Variants in TRPA1 observed in about 807,000 individuals in gnomAD.
TRPA1 encodes ankyrin-like with transmembrane domains 1.
In TRPA1, 129 loss-of-function variants were observed where a neutral mutation model predicts 131.3. The ratio of observed to expected loss-of-function variants is 0.98; its 90% CI spans 0.85 to 1.14. The LOEUF (loss-of-function observed/expected upper bound fraction) is 1.14. TRPA1 is among the 50% of genes most tolerant of loss of function. The probability of loss-of-function intolerance (pLI) is 0.00; values close to 1 mark genes in which losing one functional copy is unlikely to be tolerated. For missense variants in TRPA1, 1,304 were observed against 1,354.2 expected, an observed-to-expected ratio of 0.96 and a Z score of 0.58; for synonymous variants, 441 against 451.7, an observed-to-expected ratio of 0.98 and a Z score of 0.30.
At chr8:72,044,635 A>G (rs1054020318) in intron 17 of TRPA1, among the ~76,000 whole-genome samples, 1 of 151,990 alleles carries the variant, frequency 6.6e-6, no homozygotes, top group African/African-American at 2.4e-5. Context: ...ATGCACCATT[A>G]ATGAAAATAG....
At position 72,029,975 on chromosome 8, in the gene TRPA1, G is replaced by T. The variant is rs3824151; in HGVS notation, c.2869-6C>A. On this transcript the variant is annotated splice_polypyrimidine_tract_variant and splice_region_variant and intron_variant, in intron 23 of 26. Coordinates refer to ENST00000262209, the MANE Select transcript of TRPA1 (RefSeq NM_007332.3). ...TCGCCAACTGCCAAACCAATCTGAAGTATGACACAAAATTAAATCACTACA... is the reference window on the plus strand; with the variant it reads ...TCGCCAACTGCCAAACCAATCTGAATTATGACACAAAATTAAATCACTACA... 978,432 of 1,610,630 alleles carry T rather than the reference G, an allele frequency of 0.61. 299,729 individuals are homozygous for T. Among genetic ancestry groups the T allele is most frequent in the Admixed American group, 0.78 (46,971 of 59,976 alleles).
intron 21 of TRPA1, among the ~76,000 whole-genome samples, chr8:72,035,004 G>A (rs760723991): frequency 4.6e-5 from 7 of 152,182 alleles, no homozygotes; most frequent in Non-Finnish European, 7.3e-5. Context: ...CAGAGACTGA[G>A]TTTGTGAACT....
intron 15 of TRPA1, 122 bp downstream of exon 15, chr8:72,050,656 C>T (rs1563394064): frequency 2.8e-6 from 2 of 714,032 alleles, no homozygotes; most frequent in African/African-American, 1.8e-5. Flanking sequence ...GTCTCATTTC[C>T]CTTACAGCCT....
chr8:72,024,719 T>C (rs1277583913), intron 25 of TRPA1, among the ~76,000 whole-genome samples: 2 of 152,100 alleles, frequency 1.3e-5, no homozygotes, highest in Non-Finnish European at 2.9e-5. Flanking sequence ...AGTGGAGATG[T>C]CAAGTAGGCA....
Position 72,055,554 on chromosome 8 carries a change from C to T in TRPA1, c.1411G>A (p.Asp471Asn). 12 of 1,613,646 alleles carry T rather than the reference C, an allele frequency of 7.4e-6. No homozygotes were observed. Among genetic ancestry groups the T allele is most frequent in the Non-Finnish European group, 1.0e-5 (12 of 1,179,684 alleles). Reference protein sequence around the residue: ...TCQRLLQDISDTRLLNEGDLH... With the variant: ...TCQRLLQDISNTRLLNEGDLH... Reference sequence around the variant, plus strand: ...TCACCTTCATTCAGAAGCCTCGTATCACTTATGTCTTGTAGGAGCCTCTGA... The same window carrying T: ...TCACCTTCATTCAGAAGCCTCGTATTACTTATGTCTTGTAGGAGCCTCTGA... Residue 471 changes from aspartate to asparagine, a missense_variant, in exon 12 of 27, where the codon GAT becomes AAT. Transcript: ENST00000262209.
rs190001360 is a variant in TRPA1 at position 72,062,798 on chromosome 8, C to A, written c.807+1G>T. 6.2e-7 allele frequency: 1 copy of A among 1,613,766 alleles called. No homozygotes were observed. Among genetic ancestry groups the A allele is most frequent in the Admixed American group, 1.7e-5 (1 of 59,988 alleles). On this transcript the variant is annotated splice_donor_variant, in intron 6 of 26. Coordinates refer to ENST00000262209, the MANE Select transcript of TRPA1 (RefSeq NM_007332.3). LOFTEE classifies it high-confidence loss of function. Reference sequence around the variant, plus strand: ...GTGTTATATAGAATATGAAGAGTTACCTCCACTGGGTCTATTTGTGCACCA... The same window carrying A: ...GTGTTATATAGAATATGAAGAGTTAACTCCACTGGGTCTATTTGTGCACCA...
intron 2 of TRPA1, 42 bp downstream of exon 2, chr8:72,071,669 G>A (rs1338131872): frequency 6.2e-7 from 1 of 1,600,532 alleles, no homozygotes; most frequent in Admixed American, 1.7e-5. Context: ...TAATTGAATG[G>A]GATGAATGAT....
chr8:72,052,994 T>TGTGTGTGTGTGTGTGTGTGTGTGG (rs1491537785), intron 13 of TRPA1: 1 of 330,302 alleles, frequency 3.0e-6, no homozygotes, highest in Non-Finnish European at 5.5e-6. Flanking sequence ...TGTGTGTGTG[T>TGTGTGTGTGTGTGTGTGTGTGTGG]GAGAGATAGA....
chr8:72,049,726 A>G (rs1464209842), intron 15 of TRPA1, among the ~76,000 whole-genome samples: 1 of 152,196 alleles, frequency 6.6e-6, no homozygotes, highest in Non-Finnish European at 1.5e-5. Context: ...AGTAATGTAA[A>G]TGAAAGAACC....
rs748925257 is a variant in TRPA1, at chr8:72,026,078, A to T, written c.2938-5T>A. ...TAAGCTGGTATGAAGTTCCACCTAAAGTGCATTTTGGATTTATTGATAGAA... is the reference window on the plus strand; with the variant it reads ...TAAGCTGGTATGAAGTTCCACCTAATGTGCATTTTGGATTTATTGATAGAA... On this transcript the variant is annotated splice_region_variant and splice_polypyrimidine_tract_variant and intron_variant, in intron 24 of 26. Transcript: ENST00000262209. 2 of 1,611,876 alleles carry T rather than the reference A, an allele frequency of 1.2e-6. No homozygotes were observed. The highest frequency in any genetic ancestry group is 1.7e-6 in the Non-Finnish European group (2 of 1,178,108).
At chr8:72,039,301 CTCTT>C (rs1812165189) in intron 18 of TRPA1, among the ~76,000 whole-genome samples, 1 of 151,980 alleles carries the variant, frequency 6.6e-6, no homozygotes, top group South Asian at 2.1e-4. Flanking sequence ...TAGAACACAC[CTCTT>C]TCTTCATTGT....
At chr8:72,074,672 A>C (rs559817659) in intron 1 of TRPA1, among the ~76,000 whole-genome samples, 1 of 152,292 alleles carries the variant, frequency 6.6e-6, no homozygotes, top group South Asian at 2.1e-4. Context: ...CGATAACTGC[A>C]TAAGTAATAG....
intron 1 of TRPA1, 60 bp from the exon 2 acceptor site, chr8:72,071,927 C>A: frequency 2.1e-6 from 3 of 1,439,332 alleles, no homozygotes; most frequent in Non-Finnish European, 2.9e-6. Flanking sequence ...TGGCTATAAT[C>A]ATTTTATAGC....
chr8:72,073,706 C>T (rs923932482), intron 1 of TRPA1, among the ~76,000 whole-genome samples: 4 of 152,294 alleles, frequency 2.6e-5, no homozygotes, highest in South Asian at 2.1e-4. Flanking sequence ...TTTTGAGACT[C>T]GCTGCTAAGA....
At chr8:72,062,981 T>G in intron 5 of TRPA1, 37 bp from the exon 6 acceptor site, 1 of 1,570,690 alleles carries the variant, frequency 6.4e-7, no homozygotes, top group Non-Finnish European at 8.7e-7. Context: ...AACAAATATA[T>G]AAAATAAATA....
intron 17 of TRPA1, chr8:72,041,196 T>C (rs1330864282): frequency 2.0e-5 from 3 of 152,070 alleles, no homozygotes; most frequent in African/African-American, 4.8e-5. Context: ...CACCTCACAT[T>C]AGAGCTCCCA....
chr8:72,062,972 A>G, intron 5 of TRPA1, 28 bp from the exon 6 acceptor site: 1 of 1,594,810 alleles, frequency 6.3e-7, no homozygotes, highest in Non-Finnish European at 8.6e-7. Flanking sequence ...ATTCAACATA[A>G]CAAATATATA....
upstream of TRPA1, chr8:72,075,687 C>G (rs1317611070): frequency 2.0e-6 from 1 of 488,562 alleles, no homozygotes; most frequent in African/African-American, 2.0e-5. Context: ...GCGGCGGCGC[C>G]GCGTCTGCCT....
At position 72,054,158 on chromosome 8, in the gene TRPA1, T is replaced by C. The variant is rs771369308; in HGVS notation, c.1530-291A>G. ...TGGGGTAGGAGAAGTACGCTTAGCA[T>C]GTCTGTGTCATACCTAATTTTTTTA... is the stretch of plus-strand genomic sequence containing the variant. On this transcript the variant is annotated intron_variant, in intron 12 of 26. Transcript: ENST00000262209. The C allele has an allele frequency of 1.6e-3, 635 of 405,806 alleles. 1 individual carries two copies. The highest frequency in any genetic ancestry group is 2.2e-3 in the Non-Finnish European group (492 of 219,660). The allele number at this position is 405,806 out of a possible 1,614,324, so 25.1% of individuals were successfully genotyped here.
Sources: allele counts gnomAD v4.1 joint callset (sites outside exome capture counted in the v4.1 genomes callset), GRCh38; gene constraint gnomAD v4.1.1; transcripts MANE v1.5; gene names NCBI Gene and HGNC (gene_info 2026-07-23, HGNC 2026-07-21).